AOAH: variants seen among roughly 807,000 people sequenced by gnomAD.
AOAH encodes the protein acyloxyacyl hydrolase (neutrophil).
A neutral mutation model predicts 92.2 loss-of-function variants in AOAH; 64 were observed. That is an observed-to-expected ratio of 0.69 (90% CI 0.57 to 0.86). AOAH has a LOEUF of 0.86. AOAH is among the 40% of genes least tolerant of loss of function. AOAH has a pLI of 0.00. For synonymous variants in AOAH, 263 were observed against 254.5 expected, an observed-to-expected ratio of 1.03 and a Z score of -0.32; for missense variants, 656 against 694.6, an observed-to-expected ratio of 0.94 and a Z score of 0.62.
rs936803197 is a variant in AOAH, at chr7:36,541,646, G to A, written c.1134-1155C>T. The stretch of plus-strand genomic sequence containing the variant: ...AATTTGTACTCCAAACCTCAGCGTC[G>A]TACAATAATATATCCATGCAATGAA... On this transcript the variant is annotated intron_variant, in intron 15 of 20. Coordinates refer to ENST00000617537, the MANE Select transcript of AOAH (RefSeq NM_001637.4). Among the ~76,000 whole-genome samples, 35 of 152,282 alleles carry A rather than the reference G, an allele frequency of 2.3e-4. 2 individuals carry two copies. Among genetic ancestry groups the A allele is most frequent in the South Asian group, 2.1e-4 (1 of 4,832 alleles).
chr7:36,618,447 G>A, intron 9 of AOAH, 102 bp from the exon 10 acceptor site: 2 of 1,027,636 alleles, frequency 1.9e-6, no homozygotes, highest in Non-Finnish European at 3.0e-6. Context: ...AGGCAAATGA[G>A]TAGATAAAAC....
chr7:36,579,378 C>CG (rs200848912), intron 12 of AOAH, among the ~76,000 whole-genome samples: 49 of 151,774 alleles, frequency 3.2e-4, no homozygotes, highest in Non-Finnish European at 6.2e-4. Context: ...CCCCGCCCCC[C>CG]CCAAATTGTG....
intron 13 of AOAH, among the ~76,000 whole-genome samples, chr7:36,559,068 C>T (rs61408641): frequency 0.03 from 4,603 of 152,338 alleles, 161 homozygotes; most frequent in South Asian, 0.082. Context: ...TCTTCTGTGT[C>T]ACTCACGCTG....
At chr7:36,673,582 A>G (rs1036605216) in intron 3 of AOAH, among the ~76,000 whole-genome samples, 2 of 152,226 alleles carry the variant, frequency 1.3e-5, no homozygotes, top group Non-Finnish European at 2.9e-5. Flanking sequence ...AAGAAAAAGC[A>G]GACTGTGATA....
intron 1 of AOAH, among the ~76,000 whole-genome samples, chr7:36,713,717 T>G (rs1471618643): frequency 6.6e-6 from 1 of 152,216 alleles, no homozygotes; most frequent in Non-Finnish European, 1.5e-5. Context: ...AACCTGCTCC[T>G]GAATGACTAC....
Position 36,616,465 on chromosome 7 carries a change from G to C in AOAH, c.761C>G (p.Pro254Arg), listed in dbSNP as rs57549546. ...YEKKFCEGSQ[P>R]RGIILLGDSA... The stretch of plus-strand genomic sequence containing the variant: ...GTCTCCCAGCAAAATGATTCCCCTG[G>C]GCTGTGAACCTAGGCAGCACAATTT... The change falls in exon 11 of 21, where the codon CCC becomes CGC. Residue 254 changes from proline (P) to arginine (R), a missense_variant. Coordinates refer to ENST00000617537, the MANE Select transcript of AOAH (RefSeq NM_001637.4). The C allele has an allele frequency of 6.1e-4, 986 of 1,613,880 alleles. 2 individuals carry two copies. In the African/African-American group the frequency reaches 0.012, roughly 20 times the overall value.
At chr7:36,651,929 A>G (rs1443979541) in intron 4 of AOAH, among the ~76,000 whole-genome samples, 1 of 152,220 alleles carries the variant, frequency 6.6e-6, no homozygotes, top group African/African-American at 2.4e-5. Flanking sequence ...AATTGTAGGT[A>G]TTTGTGTATA....
intron 19 of AOAH, among the ~76,000 whole-genome samples, chr7:36,524,118 C>T (rs550901525): frequency 1.1e-4 from 16 of 152,082 alleles, no homozygotes; most frequent in African/African-American, 3.4e-4. Context: ...TCTTGATTAA[C>T]GTTTTGTCCC....
chr7:36,524,545 G>A (rs1233480347), intron 19 of AOAH, among the ~76,000 whole-genome samples: 1 of 151,692 alleles, frequency 6.6e-6, no homozygotes, highest in Non-Finnish European at 1.5e-5. Flanking sequence ...GTGTGGTGGT[G>A]GGCACCTGTA....
At chr7:36,599,168 G>A (rs902303716) in intron 11 of AOAH, among the ~76,000 whole-genome samples, 1 of 152,184 alleles carries the variant, frequency 6.6e-6, no homozygotes, top group African/African-American at 2.4e-5. Context: ...CCCTGTGTGT[G>A]GGTATGTGTG....
At chr7:36,579,535 T>G (rs914393232) in intron 12 of AOAH, among the ~76,000 whole-genome samples, 31 of 148,394 alleles carry the variant, frequency 2.1e-4, no homozygotes, top group South Asian at 4.4e-4. Flanking sequence ...TATGGGGGGG[T>G]TTTTAGTATT....
intron 6 of AOAH, among the ~76,000 whole-genome samples, chr7:36,628,000 C>T (rs1387071877): frequency 1.3e-5 from 2 of 152,000 alleles, no homozygotes; most frequent in Admixed American, 6.6e-5. Context: ...CTCTCGAGGG[C>T]CGGGCGTGGG....
chr7:36,661,581 A>G (rs1438017016), intron 3 of AOAH, among the ~76,000 whole-genome samples: 1 of 152,138 alleles, frequency 6.6e-6, no homozygotes, highest in Non-Finnish European at 1.5e-5. Flanking sequence ...CCCAACTATT[A>G]TAACAACTAC....
intron 15 of AOAH, among the ~76,000 whole-genome samples, chr7:36,544,385 C>A (rs1785654061): frequency 6.6e-6 from 1 of 152,124 alleles, no homozygotes; most frequent in Non-Finnish European, 1.5e-5. Flanking sequence ...CTGGTGTCTG[C>A]CAAAGGACGA....
At chr7:36,548,830 A>G in intron 14 of AOAH, 144 bp from the exon 15 acceptor site, 1 of 632,740 alleles carries the variant, frequency 1.6e-6, no homozygotes, top group South Asian at 1.8e-5. Flanking sequence ...ATTCTAGTAC[A>G]GCCAACCACC....
Position 36,724,203 on chromosome 7 carries a change from G to T in AOAH, c.-55C>A. The T allele has an allele frequency of 6.2e-7, 1 of 1,602,402 alleles. No individual in the cohort carries two copies. The highest frequency in any genetic ancestry group is 8.5e-7 in the Non-Finnish European group (1 of 1,173,000). On this transcript the variant is annotated 5_prime_UTR_variant, in exon 1 of 21. Coordinates refer to ENST00000617537, the MANE Select transcript of AOAH (RefSeq NM_001637.4). ...CGGCTTTGGAAGCTCCCAACTGAGG[G>T]ATGCTGGAGCTGAGGCTGCAGAATC...
intron 2 of AOAH, among the ~76,000 whole-genome samples, chr7:36,677,526 G>A (rs1381067116): frequency 1.3e-5 from 2 of 152,142 alleles, no homozygotes; most frequent in Non-Finnish European, 2.9e-5. Context: ...CAGCCTACCA[G>A]CTCCTCAGAC....
chr7:36,622,000 GGTGTGTGCAT>G (rs1192337444), intron 7 of AOAH, among the ~76,000 whole-genome samples: 5 of 152,136 alleles, frequency 3.3e-5, no homozygotes, highest in Non-Finnish European at 7.4e-5. Flanking sequence ...CAGGTGGTAG[GGTGTGTGCAT>G]GTGTGTGCAT....
rs529261307 is a variant in AOAH, at chr7:36,678,550, AGTGTGTGTGTGTGTGTGTGT to A, written c.224-4561_224-4542del. 1.7e-3 allele frequency among the ~76,000 whole-genome samples: 206 copies of A among 118,928 alleles called. 2 individuals carry two copies. The highest frequency in any genetic ancestry group is 3.3e-3 in the African/African-American group (119 of 35,728). 78.0% of individuals were successfully genotyped at this position (118,928 alleles called of 152,430 possible). A position where few individuals can be genotyped will look rare whatever the true frequency, so the allele number is the denominator to read the frequency against. On this transcript the variant is annotated intron_variant, in intron 2 of 20. Coordinates refer to ENST00000617537, the MANE Select transcript of AOAH (RefSeq NM_001637.4). ...TCATCTTCTTTCTGGTAAGATAAGC[AGTGTGTGTGTGTGTGTGTGT>A]GTGTGTGTGTGTGTGTGTGTGTGTG...
Sources: gnomAD v4.1 joint callset for allele counts (sites outside exome capture counted in the v4.1 genomes callset) on GRCh38, gnomAD v4.1.1 for gene constraint, MANE v1.5 for transcripts, NCBI Gene and HGNC (gene_info 2026-07-23, HGNC 2026-07-21) for gene names.